The following ANXA8 variants were observed in gnomAD, a reference collection of about 807,000 sequenced individuals.
ANXA8 encodes the protein VAC-beta.
A neutral mutation model predicts 26.8 loss-of-function variants in ANXA8; 9 were observed. The observed-to-expected ratio is 0.34, with a 90% CI of 0.20 to 0.59. The LOEUF (loss-of-function observed/expected upper bound fraction) is 0.59. Among genes scored for constraint, ANXA8 ranks in the 20% least tolerant of loss-of-function variants. The probability of loss-of-function intolerance (pLI) is 0.84; values close to 1 mark genes in which losing one functional copy is unlikely to be tolerated. For missense variants in ANXA8, 83 were observed against 238.5 expected, an observed-to-expected ratio of 0.35 and a Z score of 4.29; for synonymous variants, 39 against 94.8, an observed-to-expected ratio of 0.41 and a Z score of 3.42.
chr10:47,691,110 T>G, the ANXA8 span: 1 of 1,610,896 alleles, frequency 6.2e-7, no homozygotes, highest in Non-Finnish European at 8.5e-7. Flanking sequence ...GGCTCTAAAG[T>G]GCCTTTAGCA....
chr10:47,706,101 T>C, the ANXA8 span: 1 of 692,666 alleles, frequency 1.4e-6, no homozygotes, highest in Non-Finnish European at 2.4e-6. Flanking sequence ...GCCCCTGCTC[T>C]GTATGCCGCT....
the ANXA8 span, among the ~76,000 whole-genome samples, chr10:47,900,314 A>G: frequency 6.6e-6 from 1 of 151,980 alleles, no homozygotes; most frequent in Non-Finnish European, 1.5e-5. Context: ...TTACCAAATA[A>G]CAGTAATCAT....
chr10:47,607,266 TAAAAG>T, the ANXA8 span, among the ~76,000 whole-genome samples: 4 of 138,308 alleles, frequency 2.9e-5, no homozygotes, highest in African/African-American at 5.8e-5. Context: ...TAAATAAAAA[TAAAAG>T]AAAAAATATA....
chr10:47,497,630 A>G, the ANXA8 span, among the ~76,000 whole-genome samples: 1 of 133,146 alleles, frequency 7.5e-6, no homozygotes, highest in Admixed American at 7.9e-5. Context: ...AAAAAAAAAA[A>G]ACAACAACAA....
the ANXA8 span, among the ~76,000 whole-genome samples, chr10:47,649,763 A>T: frequency 7.4e-6 from 1 of 135,666 alleles, no homozygotes; most frequent in Non-Finnish European, 1.6e-5. Context: ...GGGTCTCATC[A>T]TGTTGCCCAG....
chr10:47,533,185 T>TCACA, the ANXA8 span, among the ~76,000 whole-genome samples: 4,788 of 101,778 alleles, frequency 0.047, 113 homozygotes, highest in East Asian at 0.092. Flanking sequence ...TAAACACACA[T>TCACA]CACACACACA....
chr10:47,669,789 A>G, the ANXA8 span, among the ~76,000 whole-genome samples: 2 of 152,092 alleles, frequency 1.3e-5, no homozygotes, highest in South Asian at 2.1e-4. Flanking sequence ...GAAGTTAAAT[A>G]TATGTATGTT....
At chr10:47,727,295 A>G in the ANXA8 span, among the ~76,000 whole-genome samples, 3 of 152,238 alleles carry the variant, frequency 2.0e-5, no homozygotes, top group Admixed American at 2.0e-4. Context: ...AGTGGAATGG[A>G]TTTGCAAGAT....
At chr10:47,497,022 G>T in the ANXA8 span, among the ~76,000 whole-genome samples, 28,638 of 148,594 alleles carry the variant, frequency 0.19, 3,033 homozygotes, top group East Asian at 0.51. Context: ...TTTCTCAAAC[G>T]TTAAAATTTT....
chr10:47,621,373 C>T, the ANXA8 span, among the ~76,000 whole-genome samples: 1 of 111,358 alleles, frequency 9.0e-6, no homozygotes, highest in African/African-American at 3.5e-5. Flanking sequence ...AATGTATCAA[C>T]AACACAACAA....
At chr10:47,646,957 T>C in the ANXA8 span, among the ~76,000 whole-genome samples, 2 of 152,180 alleles carry the variant, frequency 1.3e-5, no homozygotes, top group African/African-American at 4.8e-5. Flanking sequence ...GAAAAACTGC[T>C]GTATTTTTAG....
At chr10:47,599,709 C>G in the ANXA8 span, 3 of 151,292 alleles carry the variant, frequency 2.0e-5, no homozygotes, top group Non-Finnish European at 4.4e-5. Flanking sequence ...GCTGCACCGT[C>G]GTCCCCTAAC....
the ANXA8 span, among the ~76,000 whole-genome samples, chr10:47,622,833 G>A: frequency 1.5e-4 from 17 of 112,260 alleles, 7 homozygotes; most frequent in African/African-American, 5.2e-4. Flanking sequence ...CAAAATTACG[G>A]TAGATTTCTT....
the ANXA8 span, chr10:47,987,311 T>C: frequency 4.6e-6 from 2 of 437,350 alleles, no homozygotes; most frequent in East Asian, 6.1e-5. Context: ...TCCTGAGTCC[T>C]GGGGAGGAAG....
chr10:47,656,375 G>A, the ANXA8 span, among the ~76,000 whole-genome samples: 2 of 150,458 alleles, frequency 1.3e-5, no homozygotes, highest in South Asian at 4.2e-4. Context: ...TCCAACCTGG[G>A]CAACAGAGGG....
At chr10:47,696,819 C>T in the ANXA8 span, among the ~76,000 whole-genome samples, 3 of 150,052 alleles carry the variant, frequency 2.0e-5, no homozygotes, top group Non-Finnish European at 3.0e-5. Context: ...CTCCAGAAAA[C>T]TGGACTTATG....
the ANXA8 span, among the ~76,000 whole-genome samples, chr10:47,977,378 C>T: frequency 6.6e-5 from 10 of 151,262 alleles, no homozygotes; most frequent in Non-Finnish European, 1.2e-4. Context: ...TTATTTAAAA[C>T]ATTCAGTTTT....
chr10:47,738,510 G>A, the ANXA8 span, among the ~76,000 whole-genome samples: 2 of 150,586 alleles, frequency 1.3e-5, no homozygotes, highest in Non-Finnish European at 3.0e-5. Context: ...AATTAATAAA[G>A]TATTCTTTAA....
the ANXA8 span, chr10:47,985,970 G>T: frequency 6.6e-6 from 1 of 150,710 alleles, no homozygotes; most frequent in African/African-American, 2.4e-5. Context: ...ATTCAACCTA[G>T]TCTGTTTATT....
Sources: gnomAD v4.1 joint callset for allele counts (sites outside exome capture counted in the v4.1 genomes callset) on GRCh38, gnomAD v4.1.1 for gene constraint, MANE v1.5 for transcripts, NCBI Gene and HGNC (gene_info 2026-07-23, HGNC 2026-07-21) for gene names.